MYO16: variants seen among roughly 807,000 people sequenced by gnomAD.
The protein encoded by MYO16 is unconventional myosin-XVI.
Under a neutral mutation model 205.3 loss-of-function variants are expected in MYO16, and 94 were observed. The ratio of observed to expected loss-of-function variants is 0.46; its 90% CI spans 0.39 to 0.54. The LOEUF (loss-of-function observed/expected upper bound fraction) is 0.54, where lower values mean the gene tolerates loss of function less well. Ranked by LOEUF, MYO16 falls within the 20% of genes least tolerant of loss-of-function variation. MYO16 has a pLI of 0.00. For missense variants in MYO16, 2,315 were observed against 2,387.5 expected (o/e 0.97, Z 0.63); for synonymous variants, 988 against 954.0 (o/e 1.04, Z -0.66).
chr13:108,805,949 T>TAAATAAATAAATAAATAAATAA (rs879814386), intron 6 of MYO16, among the ~76,000 whole-genome samples: 1 of 151,002 alleles, frequency 6.6e-6, no homozygotes, highest in South Asian at 2.1e-4. Flanking sequence ...AATAAATAAA[T>TAAATAAATAAATAAATAAATAA]AAATAAATAA....
At chr13:109,020,666 TCA>T (rs1283057408) in intron 23 of MYO16, among the ~76,000 whole-genome samples, 1 of 152,210 alleles carries the variant, frequency 6.6e-6, no homozygotes, top group African/African-American at 2.4e-5. Flanking sequence ...TTGTTTATCC[TCA>T]GTCCAAATCC....
chr13:109,124,250 G>A lies in MYO16; in HGVS notation c.3536-862G>A, dbSNP rs1364265425. On this transcript the variant is annotated intron_variant, in intron 29 of 34. Coordinates refer to ENST00000457511, the MANE Select transcript of MYO16 (RefSeq NM_001198950.3). ...GTTGCTGATCTGCCCCCTGGAGAGT[G>A]AGAGATTATGTCTGTGTAACTGCAG... Among the ~76,000 whole-genome samples the A allele has an allele frequency of 2.0e-5, 3 of 152,192 alleles. No individual in the cohort carries two copies. The East Asian group carries it at 5.8e-4, about 29-fold the overall frequency.
At chr13:108,685,243 G>A (rs750031910) in intron 2 of MYO16, among the ~76,000 whole-genome samples, 1 of 151,968 alleles carries the variant, frequency 6.6e-6, no homozygotes, top group Admixed American at 6.6e-5. Flanking sequence ...GGATGGTTTC[G>A]ATCTCTTGAC....
At chr13:109,002,374 G>T (rs1327911378) in intron 21 of MYO16, among the ~76,000 whole-genome samples, 1 of 152,204 alleles carries the variant, frequency 6.6e-6, no homozygotes, top group Non-Finnish European at 1.5e-5. Flanking sequence ...TCAAGAAATT[G>T]TTTGTCATTA....
At chr13:108,796,781 C>G (rs4000591) in intron 6 of MYO16, among the ~76,000 whole-genome samples, 72,471 of 88,694 alleles carry the variant, frequency 0.82, 30,631 homozygotes, top group East Asian at 1. Flanking sequence ...GTGGGGGGAG[C>G]GGGGAGGGAT....
At chr13:108,578,581 A>T in the MYO16 span, among the ~76,000 whole-genome samples, 7 of 152,190 alleles carry the variant, frequency 4.6e-5, no homozygotes, top group Admixed American at 3.9e-4. Context: ...TTTTGAAGAA[A>T]GCTGCCAGTG....
chr13:108,578,879 A>T, the MYO16 span, among the ~76,000 whole-genome samples: 4 of 149,704 alleles, frequency 2.7e-5, no homozygotes, highest in Non-Finnish European at 5.9e-5. Flanking sequence ...TTTATTATAC[A>T]TTATAATTAT....
chr13:109,061,202 G>C (rs1462818497), intron 27 of MYO16, among the ~76,000 whole-genome samples: 1 of 152,096 alleles, frequency 6.6e-6, no homozygotes, highest in African/African-American at 2.4e-5. Context: ...CTTATCTTCT[G>C]TCCAGACCAC....
intron 34 of MYO16, among the ~76,000 whole-genome samples, chr13:109,182,154 TAA>T (rs1173094753): frequency 6.6e-6 from 1 of 152,148 alleles, no homozygotes. Flanking sequence ...GGTTCAAAAA[TAA>T]AAGTCTTCAG....
chr13:108,863,187 A>G (rs1878532335), intron 11 of MYO16, among the ~76,000 whole-genome samples: 1 of 152,094 alleles, frequency 6.6e-6, no homozygotes. Flanking sequence ...AAAAAGTCAT[A>G]CCTTTTTTTC....
chr13:108,682,266 T>C (rs754226506), intron 2 of MYO16, among the ~76,000 whole-genome samples: 25 of 152,324 alleles, frequency 1.6e-4, no homozygotes, highest in Non-Finnish European at 2.8e-4. Context: ...ATGAATATGA[T>C]CTAATAGGGA....
At chr13:108,911,622 C>T (rs765916289) in intron 16 of MYO16, among the ~76,000 whole-genome samples, 10 of 152,152 alleles carry the variant, frequency 6.6e-5, no homozygotes, top group Non-Finnish European at 1.5e-4. Context: ...TTTAGATTTC[C>T]TTCAGAGTTG....
chr13:109,204,672 T>C (rs1322830765), intron 34 of MYO16, among the ~76,000 whole-genome samples: 2 of 152,212 alleles, frequency 1.3e-5, no homozygotes, highest in African/African-American at 2.4e-5. Flanking sequence ...TAGCCCACTT[T>C]GAAAGAAATT....
intron 2 of MYO16, among the ~76,000 whole-genome samples, chr13:108,682,784 G>T (rs1035199329): frequency 2.0e-5 from 3 of 152,196 alleles, no homozygotes; most frequent in African/African-American, 4.8e-5. Flanking sequence ...CTGTTAAGAG[G>T]CCGTTTCGAG....
the MYO16 span, among the ~76,000 whole-genome samples, chr13:108,518,418 G>T: frequency 6.6e-6 from 1 of 152,142 alleles, no homozygotes; most frequent in African/African-American, 2.4e-5. Flanking sequence ...TGCCTGAGAT[G>T]TCTAAGATGT....
chr13:108,632,954 C>CTGTGGAG (rs1192508820), intron 1 of MYO16, among the ~76,000 whole-genome samples: 3 of 152,136 alleles, frequency 2.0e-5, no homozygotes, highest in Non-Finnish European at 4.4e-5. Flanking sequence ...TGAGGTCTAC[C>CTGTGGAG]TGTGGAGTTC....
chr13:108,644,300 C>G (rs916371116), intron 1 of MYO16, among the ~76,000 whole-genome samples: 1 of 152,176 alleles, frequency 6.6e-6, no homozygotes, highest in Non-Finnish European at 1.5e-5. Context: ...CACTCCACTC[C>G]CTTTCCAGGT....
chr13:109,150,398 A>G (rs1877592502), intron 32 of MYO16, among the ~76,000 whole-genome samples: 1 of 152,132 alleles, frequency 6.6e-6, no homozygotes, highest in Admixed American at 6.5e-5. Flanking sequence ...CCGCTAGGTC[A>G]TGCCACTTCA....
chr13:108,879,729 T>C (rs535818242), intron 12 of MYO16, among the ~76,000 whole-genome samples: 56 of 152,344 alleles, frequency 3.7e-4, no homozygotes, highest in African/African-American at 1.3e-3. Flanking sequence ...CCATGGTGTG[T>C]ATGTGCCACA....
Sources: gnomAD v4.1 joint callset for allele counts (sites outside exome capture counted in the v4.1 genomes callset) on GRCh38, gnomAD v4.1.1 for gene constraint, MANE v1.5 for transcripts, NCBI Gene and HGNC (gene_info 2026-07-23, HGNC 2026-07-21) for gene names.